The following SPANXN1 variants were observed in gnomAD, a reference collection of about 807,000 sequenced individuals.
SPANXN1 encodes sperm protein associated with the nucleus on the X chromosome N1.
SPANXN1 carries 1 observed loss-of-function variant against 2.0 expected under a neutral mutation model. That is an observed-to-expected ratio of 0.50 (90% CI 0.18 to 2.36). SPANXN1 has a LOEUF of 2.36. Ranked by LOEUF, SPANXN1 falls within the 30% of genes most tolerant of loss-of-function variation. The probability of loss-of-function intolerance (pLI) is 0.26; values close to 1 mark genes in which losing one functional copy is unlikely to be tolerated. For synonymous variants in SPANXN1, 27 were observed against 21.3 expected (o/e 1.27, Z -0.74); for missense variants, 55 against 51.8 (o/e 1.06, Z -0.19).
chrX:145,248,755 G>A (rs1386772449), intron 1 of SPANXN1, among the ~76,000 whole-genome samples: 1 of 111,711 alleles, frequency 9.0e-6, no homozygotes, highest in East Asian at 2.8e-4. Context: ...AGGAAATGTT[G>A]GTGGTGGAGG....
At chrX:145,249,906 G>A (rs1447572646) in intron 1 of SPANXN1, among the ~76,000 whole-genome samples, 3 of 111,242 alleles carry the variant, frequency 2.7e-5, no homozygotes, top group African/African-American at 9.8e-5. Context: ...ATATAGAAGG[G>A]GGAGAAAATA....
chrX:145,255,676 G>A lies in SPANXN1; in HGVS notation c.81G>A (p.Gln27=), dbSNP rs367882550. Residue 27 remains glutamine, a synonymous_variant, in exon 2 of 2, where the codon CAG becomes CAA. Transcript: ENST00000370493. ...TCTCCCTGTTTTCTTAACAGATGCA[G>A]GAGACACCAAACAGGGACTTAGCCC... is the stretch of plus-strand genomic sequence containing the variant. ...CESNNENDEM[Q]ETPNRDLAPE... is the part of the protein sequence containing the mutation. 5.4e-5 allele frequency: 65 copies of A among 1,210,167 alleles called. No homozygotes were observed. In the South Asian group the frequency reaches 6.7e-4, roughly 12 times the overall value.
chrX:145,248,447 C>T (rs2070771182), intron 1 of SPANXN1, among the ~76,000 whole-genome samples: 1 of 111,862 alleles, frequency 8.9e-6, no homozygotes, highest in Non-Finnish European at 1.9e-5. Flanking sequence ...GTGCTGAGTG[C>T]ATCAGAGATG....
rs782710494 is a variant in SPANXN1, at chrX:145,255,840, A to T, written c.*26A>T. On this transcript the variant is annotated 3_prime_UTR_variant, in exon 2 of 2. Coordinates refer to ENST00000370493, the MANE Select transcript of SPANXN1 (RefSeq NM_001009614.3). ...GAGAACTCCATCAATCCAGTCCAAGAGGAGGAGGACGAAGGCCTAGACTCA... is the reference window on the plus strand; with the variant it reads ...GAGAACTCCATCAATCCAGTCCAAGTGGAGGAGGACGAAGGCCTAGACTCA... The T allele has an allele frequency of 1.1e-5, 13 of 1,210,627 alleles. No individual in the cohort carries two copies. Among genetic ancestry groups the T allele is most frequent in the South Asian group, 3.5e-5 (2 of 56,895 alleles).
At chrX:145,251,161 G>A (rs1163909642) in intron 1 of SPANXN1, among the ~76,000 whole-genome samples, 1 of 111,686 alleles carries the variant, frequency 9.0e-6, no homozygotes, top group Non-Finnish European at 1.9e-5. Context: ...TGTGTTCCCT[G>A]CAAAGAGGCA....
At chrX:145,253,274 T>G (rs1403093624) in intron 1 of SPANXN1, among the ~76,000 whole-genome samples, 1 of 111,134 alleles carries the variant, frequency 9.0e-6, no homozygotes, top group Non-Finnish European at 1.9e-5. Flanking sequence ...GAATTCTGTA[T>G]GCCTTGGGAA....
intron 1 of SPANXN1, among the ~76,000 whole-genome samples, chrX:145,254,233 G>T (rs1556882823): frequency 1.8e-5 from 2 of 111,729 alleles, no homozygotes; most frequent in African/African-American, 6.5e-5. Context: ...AGGAAGATTT[G>T]AAAAGGTGAA....
In SPANXN1 at chrX:145,254,097, G is replaced by A. The variant is rs782629613; in HGVS notation, c.76-1574G>A. ...GTAAGGGGGTGGAGGAGCCGGATCCGAAGGAGAAGGTGGAGGGAATGGGAG... is the reference window on the plus strand; with the variant it reads ...GTAAGGGGGTGGAGGAGCCGGATCCAAAGGAGAAGGTGGAGGGAATGGGAG... On this transcript the variant is annotated intron_variant, in intron 1 of 1. Coordinates refer to ENST00000370493, the MANE Select transcript of SPANXN1 (RefSeq NM_001009614.3). Among the ~76,000 whole-genome samples the A allele has an allele frequency of 4.3e-4, 47 of 108,171 alleles. 1 individual carries two copies. The highest frequency in any genetic ancestry group is 6.9e-4 in the Non-Finnish European group (36 of 52,170). 93.9% of individuals were successfully genotyped at this position (108,171 alleles called of 115,157 possible). A position where few individuals can be genotyped will look rare whatever the true frequency, so the allele number is the denominator to read the frequency against.
chrX:145,247,504 T>C lies in SPANXN1; in HGVS notation c.-83T>C. The C allele has an allele frequency of 9.8e-7, 1 of 1,018,289 alleles. No homozygotes were observed. The highest frequency in any genetic ancestry group is 1.4e-6 in the Non-Finnish European group (1 of 722,071). The allele number at this position is 1,018,289 out of a possible 1,213,427, so 83.9% of individuals were successfully genotyped here. ...TAGGGAGGGCAAGAGCTCTGGGACA[T>C]CCTCCTGGGAAGCTTCAATACAGCT... On this transcript the variant is annotated 5_prime_UTR_variant, in exon 1 of 2. Transcript: ENST00000370493.
At chrX:145,255,516 C>T (rs1284285786) in intron 1 of SPANXN1, among the ~76,000 whole-genome samples, 155 bp from the exon 2 acceptor site, 6 of 110,212 alleles carry the variant, frequency 5.4e-5, no homozygotes, top group African/African-American at 2.0e-4. Flanking sequence ...TCTTCTTCCC[C>T]ATAGATCCCT....
At chrX:145,250,337 G>A (rs782556143) in intron 1 of SPANXN1, among the ~76,000 whole-genome samples, 3 of 111,105 alleles carry the variant, frequency 2.7e-5, no homozygotes, top group Non-Finnish European at 5.7e-5. Context: ...ATCACTTTCT[G>A]GGGGGCATGT....
rs1252965938 is a variant in SPANXN1, at chrX:145,247,533, C to G, written c.-54C>G. 2.1e-5 allele frequency: 24 copies of G among 1,131,726 alleles called. No homozygotes were observed. Among genetic ancestry groups the G allele is most frequent in the Non-Finnish European group, 2.5e-5 (21 of 825,644 alleles). The allele number at this position is 1,131,726 out of a possible 1,213,427, so 93.3% of individuals were successfully genotyped here. ...CCTGGGAAGCTTCAATACAGCTGTG[C>G]AAGTCTGGAGTCTACAAGAGCCTAC... On this transcript the variant is annotated 5_prime_UTR_variant, in exon 1 of 2. Transcript: ENST00000370493.
intron 1 of SPANXN1, among the ~76,000 whole-genome samples, chrX:145,250,384 G>A (rs1556882359): frequency 9.0e-6 from 1 of 111,322 alleles, no homozygotes; most frequent in Non-Finnish European, 1.9e-5. Context: ...CCTGGTAAGT[G>A]TCCTCAGGCC....
chrX:145,250,829 T>C (rs782172027), intron 1 of SPANXN1, among the ~76,000 whole-genome samples: 22 of 112,073 alleles, frequency 2.0e-4, no homozygotes, highest in Non-Finnish European at 4.1e-4. Context: ...TGGCCTTTAG[T>C]GGTAGTTTAT....
chrX:145,255,610 C>T (rs1420737360), intron 1 of SPANXN1, 61 bp from the exon 2 acceptor site: 21 of 1,200,479 alleles, frequency 1.7e-5, no homozygotes, highest in Non-Finnish European at 1.9e-5. Context: ...CCTTGCTATC[C>T]AGTCTCTATC....
In SPANXN1 at chrX:145,248,318, C is replaced by G. The variant is rs1231299906; in HGVS notation, c.75+657C>G. ...ATGTGTTGCTGGGTGGCTGCCTGGA[C>G]AGGGGAGTTTAGCCTTCGGGAGATA... On this transcript the variant is annotated intron_variant, in intron 1 of 1. Transcript: ENST00000370493. Among the ~76,000 whole-genome samples, 13 of 108,446 alleles carry G rather than the reference C, an allele frequency of 1.2e-4. 2 individuals are homozygous for G. Among genetic ancestry groups the G allele is most frequent in the South Asian group, 8.1e-4 (2 of 2,461 alleles). The allele number at this position is 108,446 out of a possible 115,157, so 94.2% of individuals were successfully genotyped here.
At chrX:145,249,953 A>G (rs2070779037) in intron 1 of SPANXN1, among the ~76,000 whole-genome samples, 1 of 111,988 alleles carries the variant, frequency 8.9e-6, no homozygotes, top group Admixed American at 9.5e-5. Context: ...GCATTTGTAC[A>G]TGAGTTTAAA....
intron 1 of SPANXN1, among the ~76,000 whole-genome samples, chrX:145,252,906 T>C (rs2070791899): frequency 1.8e-5 from 2 of 110,263 alleles, no homozygotes; most frequent in Admixed American, 9.7e-5. Context: ...ACTCTCACAA[T>C]AGAGATTGAA....
At chrX:145,247,734 C>G in intron 1 of SPANXN1, 73 bp downstream of exon 1, 1 of 1,063,167 alleles carries the variant, frequency 9.4e-7, no homozygotes, top group Admixed American at 2.2e-5. Context: ...GCTCAAACAG[C>G]AACACAGGAA....
Sources: gnomAD v4.1 joint callset for allele counts (sites outside exome capture counted in the v4.1 genomes callset) on GRCh38, gnomAD v4.1.1 for gene constraint, MANE v1.5 for transcripts, NCBI Gene and HGNC (gene_info 2026-07-23, HGNC 2026-07-21) for gene names.